Variants in SHISA9 observed in about 807,000 individuals in gnomAD.
SHISA9 encodes shisa family member 9.
SHISA9 carries 13 observed loss-of-function variants against 38.0 expected under a neutral mutation model. The ratio of observed to expected loss-of-function variants is 0.34; its 90% CI spans 0.22 to 0.54. SHISA9 has a LOEUF of 0.54. Ranked by LOEUF, SHISA9 falls within the 20% of genes least tolerant of loss-of-function variation. The pLI, the probability that SHISA9 is intolerant of heterozygous loss-of-function variation, is 0.91. For synonymous variants in SHISA9, 275 were observed against 242.0 expected (o/e 1.14, Z -1.27); for missense variants, 538 against 575.8 (o/e 0.93, Z 0.67).
chr16:13,447,796 G>A, the SHISA9 span, among the ~76,000 whole-genome samples: 7 of 152,080 alleles, frequency 4.6e-5, no homozygotes, highest in South Asian at 2.1e-4. Flanking sequence ...TTGAAAGATC[G>A]TCACAGAAAT....
the SHISA9 span, among the ~76,000 whole-genome samples, chr16:13,254,919 C>T: frequency 6.6e-6 from 1 of 152,208 alleles, no homozygotes; most frequent in Admixed American, 6.5e-5. Context: ...GAGGATCAGG[C>T]CTGAACCTGA....
At chr16:13,410,376 T>G in the SHISA9 span, among the ~76,000 whole-genome samples, 1 of 152,228 alleles carries the variant, frequency 6.6e-6, no homozygotes, top group African/African-American at 2.4e-5. Context: ...TTATATTTAG[T>G]CACCATCACC....
the SHISA9 span, among the ~76,000 whole-genome samples, chr16:13,433,591 A>C: frequency 6.6e-6 from 1 of 152,208 alleles, no homozygotes. Context: ...TGCAAATCTC[A>C]ACCTGCCTCT....
At chr16:13,334,497 G>A in the SHISA9 span, among the ~76,000 whole-genome samples, 1 of 152,178 alleles carries the variant, frequency 6.6e-6, no homozygotes, top group Non-Finnish European at 1.5e-5. Context: ...AACTAAGGCC[G>A]GGTGTGTTGG....
At chr16:13,314,277 G>T in the SHISA9 span, among the ~76,000 whole-genome samples, 1 of 151,188 alleles carries the variant, frequency 6.6e-6, no homozygotes, top group Admixed American at 6.6e-5. Context: ...GCAATGGCAC[G>T]ATCTCAGCTG....
At chr16:13,196,151 A>C (rs1302849900) in intron 2 of SHISA9, among the ~76,000 whole-genome samples, 1 of 144,588 alleles carries the variant, frequency 6.9e-6, no homozygotes, top group African/African-American at 2.6e-5. Context: ...TAATCCCAGC[A>C]CTTTGAGAGG....
the SHISA9 span, among the ~76,000 whole-genome samples, chr16:13,469,377 G>GA: frequency 0.02 from 1,859 of 92,556 alleles, 18 homozygotes; most frequent in East Asian, 0.031. Flanking sequence ...AAGAAAGAAA[G>GA]AAAGAAAGAA....
chr16:13,278,136 AT>A, the SHISA9 span, among the ~76,000 whole-genome samples: 1 of 151,892 alleles, frequency 6.6e-6, no homozygotes, highest in Non-Finnish European at 1.5e-5. Context: ...GTGATGCTGG[AT>A]TTTGTCGAAT....
chr16:13,015,514 A>G (rs543138134), intron 2 of SHISA9, among the ~76,000 whole-genome samples: 5 of 152,320 alleles, frequency 3.3e-5, no homozygotes, highest in Admixed American at 1.3e-4. Flanking sequence ...ACTCCACTCT[A>G]TGCTCCCCAA....
chr16:13,116,139 C>T (rs1435225556), intron 2 of SHISA9, among the ~76,000 whole-genome samples: 2 of 152,146 alleles, frequency 1.3e-5, no homozygotes, highest in Non-Finnish European at 2.9e-5. Context: ...ATCTCTGTAA[C>T]TTTGTTTCAT....
At chr16:13,023,195 G>A (rs35291910) in intron 2 of SHISA9, among the ~76,000 whole-genome samples, 1 of 151,712 alleles carries the variant, frequency 6.6e-6, no homozygotes, top group East Asian at 1.9e-4. Context: ...ACAGGCCCTG[G>A]TGTGTGATGT....
At chr16:13,260,929 C>T in the SHISA9 span, among the ~76,000 whole-genome samples, 85,817 of 151,898 alleles carry the variant, frequency 0.56, 24,842 homozygotes, top group African/African-American at 0.67. Context: ...TGGCAGGAGG[C>T]GAAAGGCACT....
At chr16:13,488,721 T>C in the SHISA9 span, among the ~76,000 whole-genome samples, 31 of 152,224 alleles carry the variant, frequency 2.0e-4, 1 homozygote, top group Non-Finnish European at 3.2e-4. Flanking sequence ...AATGATCCAA[T>C]CACCTAACAA....
At chr16:13,524,655 C>G in the SHISA9 span, among the ~76,000 whole-genome samples, 1 of 152,136 alleles carries the variant, frequency 6.6e-6, no homozygotes, top group Non-Finnish European at 1.5e-5. Flanking sequence ...AACTCCTGGG[C>G]TCAAGCAATC....
intron 4 of SHISA9, among the ~76,000 whole-genome samples, chr16:13,227,480 C>T (rs111519460): frequency 1.1e-3 from 162 of 152,232 alleles, no homozygotes; most frequent in African/African-American, 3.6e-3. Flanking sequence ...AGTGGTCCCA[C>T]GTGAGATGTA....
chr16:13,479,000 G>A, the SHISA9 span, among the ~76,000 whole-genome samples: 1 of 152,204 alleles, frequency 6.6e-6, no homozygotes, highest in African/African-American at 2.4e-5. Flanking sequence ...CATGTTTACA[G>A]GTCTGTGTCT....
intron 2 of SHISA9, among the ~76,000 whole-genome samples, chr16:13,045,890 C>T (rs1312387487): frequency 5.3e-5 from 8 of 152,264 alleles, no homozygotes; most frequent in South Asian, 2.1e-4. Flanking sequence ...AATTTCAAGA[C>T]GGTCAGGCCT....
chr16:13,293,298 G>A, the SHISA9 span, among the ~76,000 whole-genome samples: 905 of 152,216 alleles, frequency 5.9e-3, 7 homozygotes, highest in African/African-American at 0.018. Context: ...AGAAGACCAC[G>A]TTGGTTTTTT....
chr16:13,327,725 C>G, the SHISA9 span, among the ~76,000 whole-genome samples: 1 of 152,036 alleles, frequency 6.6e-6, no homozygotes, highest in Non-Finnish European at 1.5e-5. Context: ...GGCACGATCT[C>G]TACTCACTGA....
Sources: allele counts gnomAD v4.1 joint callset (sites outside exome capture counted in the v4.1 genomes callset), GRCh38; gene constraint gnomAD v4.1.1; transcripts MANE v1.5; gene names NCBI Gene and HGNC (gene_info 2026-07-23, HGNC 2026-07-21).